The following NKTR variants were observed in gnomAD, a reference collection of about 807,000 sequenced individuals.
The protein encoded by NKTR is natural killer cell triggering receptor.
Under a neutral mutation model 156.3 loss-of-function variants are expected in NKTR, and 67 were observed. The ratio of observed to expected loss-of-function variants is 0.43; its 90% CI spans 0.35 to 0.53. The LOEUF (loss-of-function observed/expected upper bound fraction) is 0.53, where lower values mean the gene tolerates loss of function less well. Ranked by LOEUF, NKTR falls within the 20% of genes least tolerant of loss-of-function variation. NKTR has a pLI of 0.01. For synonymous variants in NKTR, 640 were observed against 596.6 expected (o/e 1.07, Z -1.06); for missense variants, 1,604 against 1,730.9 (o/e 0.93, Z 1.30).
chr3:42,640,011 T>C (rs1709746763), intron 13 of NKTR, among the ~76,000 whole-genome samples: 1 of 152,216 alleles, frequency 6.6e-6, no homozygotes, highest in South Asian at 2.1e-4. Flanking sequence ...TGATAGGTGG[T>C]AAATTCTCCA....
chr3:42,623,577 GA>G (rs1181813576), intron 6 of NKTR, among the ~76,000 whole-genome samples: 4 of 152,072 alleles, frequency 2.6e-5, no homozygotes, highest in Admixed American at 2.6e-4. Context: ...GGTAAAAATG[GA>G]GATGGTGGCT....
chr3:42,642,358 T>A (rs1709960108), intron 13 of NKTR, 143 bp from the exon 14 acceptor site: 1 of 544,340 alleles, frequency 1.8e-6, no homozygotes, highest in Non-Finnish European at 3.4e-6. Flanking sequence ...CCTCATTAGC[T>A]GACACTGTCA....
At position 42,638,742 on chromosome 3, in the gene NKTR, C is replaced by T; in HGVS notation, c.3038C>T (p.Ala1013Val). Residue 1013 changes from alanine (A) to valine (V), a missense_variant, in exon 13 of 17, where the codon GCA becomes GTA. Physicochemically the swap from Ala to Val is moderately conservative, Grantham distance 64. This residue lies in a region of NKTR where 1,255 missense variants were observed against 1,243.7 expected (regional missense o/e 1.01). Transcript: ENST00000232978. ...KKHKAPKRKQ[A>V]FHWQPPLEFG... ...CATAAGGCTCCAAAACGAAAGCAAG[C>T]ATTTCACTGGCAGCCTCCACTAGAA... The T allele has an allele frequency of 1.2e-6, 2 of 1,613,982 alleles. No individual in the cohort carries two copies. The highest frequency in any genetic ancestry group is 1.7e-6 in the Non-Finnish European group (2 of 1,180,028).
At chr3:42,603,651 G>A (rs640689) in intron 2 of NKTR, among the ~76,000 whole-genome samples, 70,201 of 151,242 alleles carry the variant, frequency 0.46, 18,839 homozygotes, top group African/African-American at 0.74. Flanking sequence ...TCATTTGATA[G>A]TTGGAAATTT....
At chr3:42,633,107 A>G in intron 9 of NKTR, 1 of 745,382 alleles carries the variant, frequency 1.3e-6, no homozygotes. Context: ...TGGCACAATT[A>G]TAGCTCACTG....
In NKTR at chr3:42,621,252, G is replaced by A. The variant is rs1317699286; in HGVS notation, c.287-177G>A. 17 of 1,294,228 alleles carry A rather than the reference G, an allele frequency of 1.3e-5. No individual in the cohort carries two copies. In the Admixed American group the frequency reaches 1.6e-4, roughly 12 times the overall value. 80.2% of individuals were successfully genotyped at this position (1,294,228 alleles called of 1,614,324 possible). ...TCAAGGCTTTAATTAGTATCTTTTGGCCTTTTTATGCTTTTGTTATTTGAT... is the reference window on the plus strand; with the variant it reads ...TCAAGGCTTTAATTAGTATCTTTTGACCTTTTTATGCTTTTGTTATTTGAT... On this transcript the variant is annotated intron_variant, in intron 5 of 16. Coordinates refer to ENST00000232978, the MANE Select transcript of NKTR (RefSeq NM_005385.4).
chr3:42,647,290 G>C lies in NKTR; in HGVS notation c.*1315G>C, dbSNP rs1185709580. 1 of 113,132 alleles carries C rather than the reference G, an allele frequency of 8.8e-6. No homozygotes were observed. Among genetic ancestry groups the C allele is most frequent in the Non-Finnish European group, 1.7e-5 (1 of 59,216 alleles). The allele number at this position is 113,132 out of a possible 1,614,324, so 7.0% of individuals were successfully genotyped here. A position where few individuals can be genotyped will look rare whatever the true frequency, so the allele number is the denominator to read the frequency against. On this transcript the variant is annotated 3_prime_UTR_variant, in exon 17 of 17. Transcript: ENST00000232978. Reference sequence around the variant, plus strand: ...CTAGTGTGTGTGTGTGTGTGTGTGTGTGTGTGTGTGTGGTTTTTTTTTTTA... The same window carrying C: ...CTAGTGTGTGTGTGTGTGTGTGTGTCTGTGTGTGTGTGGTTTTTTTTTTTA...
At chr3:42,613,449 C>G (rs560218408) in intron 2 of NKTR, among the ~76,000 whole-genome samples, 2 of 152,286 alleles carry the variant, frequency 1.3e-5, no homozygotes, top group South Asian at 4.1e-4. Flanking sequence ...TTTCCTCACC[C>G]CTTGCTTGTA....
chr3:42,617,336 A>G (rs187103358), intron 2 of NKTR, among the ~76,000 whole-genome samples: 1 of 152,334 alleles, frequency 6.6e-6, no homozygotes, highest in African/African-American at 2.4e-5. Flanking sequence ...TTAAAATCCT[A>G]TAATTTTGGG....
In NKTR at chr3:42,619,673, A is replaced by G; in HGVS notation, c.251A>G (p.Lys84Arg). ...AGGTGATTATTTGCAGGTAATGGAAAAGGTGGAGAATCAATTTATGGTGGA... is the reference window on the plus strand; with the variant it reads ...AGGTGATTATTTGCAGGTAATGGAAGAGGTGGAGAATCAATTTATGGTGGA... ...QGGDFSEGNG[K>R]GGESIYGGYF... The change falls in exon 5 of 17, where the codon AAA becomes AGA. Residue 84 changes from lysine to arginine, a missense_variant. This residue lies in a region of NKTR where 4 missense variants were observed against 21.1 expected (regional missense o/e 0.19). Coordinates refer to ENST00000232978, the MANE Select transcript of NKTR (RefSeq NM_005385.4). 6.2e-7 allele frequency: 1 copy of G among 1,607,712 alleles called. No homozygotes were observed. Among genetic ancestry groups the G allele is most frequent in the South Asian group, 1.1e-5 (1 of 90,748 alleles).
intron 2 of NKTR, among the ~76,000 whole-genome samples, chr3:42,610,727 T>C (rs896990406): frequency 1.2e-4 from 18 of 152,166 alleles, no homozygotes; most frequent in African/African-American, 4.3e-4. Context: ...ATTTGTTTTA[T>C]ATCATCTCTC....
intron 6 of NKTR, chr3:42,630,269 T>C: frequency 1.7e-6 from 2 of 1,192,548 alleles, no homozygotes; most frequent in Non-Finnish European, 1.0e-6. Flanking sequence ...GCTGTGTATT[T>C]ATGGCTACAA....
At chr3:42,613,319 A>G (rs1054235714) in intron 2 of NKTR, among the ~76,000 whole-genome samples, 1 of 152,144 alleles carries the variant, frequency 6.6e-6, no homozygotes, top group Non-Finnish European at 1.5e-5. Flanking sequence ...CATATGGGTA[A>G]GATCTCAGTA....
At chr3:42,630,777 A>G in intron 7 of NKTR, 1 of 1,381,746 alleles carries the variant, frequency 7.2e-7, no homozygotes, top group Non-Finnish European at 9.4e-7. Context: ...ATCTGTGCTC[A>G]TGGATGGGCT....
intron 6 of NKTR, chr3:42,623,831 T>G (rs1708133388): frequency 6.6e-6 from 1 of 152,102 alleles, no homozygotes. Context: ...GAAAGGATAG[T>G]GTAAGAATGG....
At position 42,637,368 on chromosome 3, in the gene NKTR, C is replaced by A; in HGVS notation, c.1664C>A (p.Ser555Tyr). 6.2e-7 allele frequency: 1 copy of A among 1,614,118 alleles called. No individual in the cohort carries two copies. Among genetic ancestry groups the A allele is most frequent in the East Asian group, 2.2e-5 (1 of 44,882 alleles). Reference sequence around the variant, plus strand: ...AGTAGATCAAAGTCCAGATCTAGTTCCAAGTCTGGGCACCGAAAGAGAGCA... The same window carrying A: ...AGTAGATCAAAGTCCAGATCTAGTTACAAGTCTGGGCACCGAAAGAGAGCA... ...SRSRSKSRSSSKSGHRKRASK... is the reference protein window; with the variant it reads ...SRSRSKSRSSYKSGHRKRASK... The change falls in exon 13 of 17, where the codon TCC becomes TAC. Residue 555 changes from serine (S) to tyrosine (Y), a missense_variant. Physicochemically the swap from Ser to Tyr is moderately radical, Grantham distance 144. Transcript: ENST00000232978.
chr3:42,643,424 T>C (rs1710072011), intron 15 of NKTR, 29 bp downstream of exon 15: 6 of 1,573,186 alleles, frequency 3.8e-6, no homozygotes, highest in Non-Finnish European at 4.4e-6. Context: ...AAACCACCAG[T>C]GGGGCAGAAC....
chr3:42,634,339 T>C (rs1302095223), intron 10 of NKTR, among the ~76,000 whole-genome samples: 1 of 152,240 alleles, frequency 6.6e-6, no homozygotes, highest in Non-Finnish European at 1.5e-5. Context: ...TGAACAGAAA[T>C]ATCATAATGG....
chr3:42,603,713 A>AAT (rs1158069223), intron 2 of NKTR, among the ~76,000 whole-genome samples: 1 of 151,702 alleles, frequency 6.6e-6, no homozygotes, highest in African/African-American at 2.4e-5. Context: ...ATATTAACTA[A>AAT]ATAGTGGATT....
Sources: gnomAD v4.1 joint callset for allele counts (sites outside exome capture counted in the v4.1 genomes callset) on GRCh38, gnomAD v4.1.1 for gene constraint, gnomAD v4.1.1 regional missense constraint, MANE v1.5 for transcripts, NCBI Gene and HGNC (gene_info 2026-07-23, HGNC 2026-07-21) for gene names.